REDIC1: variants seen among roughly 807,000 people sequenced by gnomAD.
REDIC1 encodes regulator of DNA class I crossover intermediates 1, also known as HEI10 Interacting Protein 1.
the REDIC1 span, among the ~76,000 whole-genome samples, chr12:39,889,777 G>GT: frequency 6.6e-6 from 1 of 151,906 alleles, no homozygotes; most frequent in African/African-American, 2.4e-5. Context: ...TGATCTGCCC[G>GT]CCTTGGCCTC....
chr12:39,653,492 G>GTCTTCTTCTTCTTCTTCTTCTTCT, the REDIC1 span, among the ~76,000 whole-genome samples: 53 of 54,342 alleles, frequency 9.8e-4, 2 homozygotes, highest in Middle Eastern at 0.011. Context: ...CAATCTGGAT[G>GTCTTCTTCTTCTTCTTCTTCTTCT]TCTTCTTCTT....
the REDIC1 span, among the ~76,000 whole-genome samples, chr12:39,825,316 G>GA: frequency 5.3e-5 from 8 of 151,888 alleles, no homozygotes; most frequent in Non-Finnish European, 1.2e-4. Flanking sequence ...GATAAATACA[G>GA]AAAAAAAATT....
chr12:39,626,668 A>G, the REDIC1 span, among the ~76,000 whole-genome samples: 3 of 152,134 alleles, frequency 2.0e-5, no homozygotes, highest in East Asian at 5.8e-4. Context: ...GAGGCCTTTT[A>G]GCACCTGAGC....
At chr12:39,704,963 C>A in the REDIC1 span, among the ~76,000 whole-genome samples, 196 of 151,754 alleles carry the variant, frequency 1.3e-3, no homozygotes, top group African/African-American at 4.5e-3. Context: ...GGGAGATATA[C>A]CTAATGCTAG....
chr12:39,861,383 A>G, the REDIC1 span, among the ~76,000 whole-genome samples: 2 of 152,244 alleles, frequency 1.3e-5, no homozygotes, highest in African/African-American at 4.8e-5. Flanking sequence ...TAATAAGTGA[A>G]TAAGATAAAA....
the REDIC1 span, among the ~76,000 whole-genome samples, chr12:39,713,183 C>G: frequency 6.8e-6 from 1 of 147,696 alleles, no homozygotes; most frequent in African/African-American, 2.5e-5. Context: ...GTGCATATAC[C>G]CATGTGTATA....
the REDIC1 span, among the ~76,000 whole-genome samples, chr12:39,727,512 A>C: frequency 3.9e-5 from 6 of 152,098 alleles, no homozygotes; most frequent in African/African-American, 1.4e-4. Context: ...TGGTCTATAT[A>C]TCTGTTTTGC....
the REDIC1 span, among the ~76,000 whole-genome samples, chr12:39,645,247 A>G: frequency 6.6e-6 from 1 of 151,868 alleles, no homozygotes; most frequent in Non-Finnish European, 1.5e-5. Context: ...CTTTCTTTTC[A>G]TTTATTTCTT....
chr12:39,694,621 T>C, the REDIC1 span, among the ~76,000 whole-genome samples: 1 of 152,200 alleles, frequency 6.6e-6, no homozygotes, highest in Non-Finnish European at 1.5e-5. Flanking sequence ...CCTCCTATTA[T>C]GGGCTAAAGT....
At chr12:39,627,512 G>A in the REDIC1 span, among the ~76,000 whole-genome samples, 2 of 152,040 alleles carry the variant, frequency 1.3e-5, no homozygotes, top group African/African-American at 4.8e-5. Flanking sequence ...GCTATTTTGG[G>A]AGTAATATTT....
At chr12:39,755,697 GAACTT>G in the REDIC1 span, 2 of 151,942 alleles carry the variant, frequency 1.3e-5, no homozygotes, top group Admixed American at 6.6e-5. Context: ...TCAAACACAT[GAACTT>G]AACTGTCTAA....
At chr12:39,655,262 C>T in the REDIC1 span, among the ~76,000 whole-genome samples, 1 of 151,888 alleles carries the variant, frequency 6.6e-6, no homozygotes, top group Non-Finnish European at 1.5e-5. Flanking sequence ...TTTCTGCTTG[C>T]CTTGGATTTA....
At chr12:39,797,335 G>T in the REDIC1 span, among the ~76,000 whole-genome samples, 1 of 152,024 alleles carries the variant, frequency 6.6e-6, no homozygotes, top group Non-Finnish European at 1.5e-5. Context: ...AACTTATTTT[G>T]GATTTCTGAC....
the REDIC1 span, chr12:39,788,496 A>C: frequency 2.6e-5 from 4 of 152,322 alleles, no homozygotes; most frequent in East Asian, 7.7e-4. Context: ...AGATGATTTC[A>C]TCACACTACT....
At chr12:39,803,804 T>C in the REDIC1 span, among the ~76,000 whole-genome samples, 2 of 152,230 alleles carry the variant, frequency 1.3e-5, no homozygotes, top group African/African-American at 4.8e-5. Flanking sequence ...AGAGATAATA[T>C]GGTAAGTAAT....
chr12:39,643,737 C>T, the REDIC1 span: 2 of 1,346,572 alleles, frequency 1.5e-6, no homozygotes, highest in African/African-American at 1.5e-5. Context: ...CTGTCTAAAA[C>T]CGCATATTTG....
the REDIC1 span, among the ~76,000 whole-genome samples, chr12:39,889,455 T>G: frequency 6.6e-6 from 1 of 151,954 alleles, no homozygotes; most frequent in Non-Finnish European, 1.5e-5. Context: ...TATATGAATA[T>G]TTGCAAGGTA....
At chr12:39,724,196 C>T in the REDIC1 span, among the ~76,000 whole-genome samples, 3 of 152,062 alleles carry the variant, frequency 2.0e-5, no homozygotes, top group South Asian at 4.1e-4. Context: ...GCCTCTTGGG[C>T]GGGATAAGTC....
the REDIC1 span, among the ~76,000 whole-genome samples, chr12:39,658,581 G>T: frequency 2.0e-5 from 3 of 152,096 alleles, no homozygotes; most frequent in Admixed American, 6.5e-5. Flanking sequence ...CTAAGAATAT[G>T]GTTTACATTT....
Sources: allele counts gnomAD v4.1 joint callset (sites outside exome capture counted in the v4.1 genomes callset), GRCh38; gene constraint gnomAD v4.1.1; transcripts MANE v1.5; gene names NCBI Gene and HGNC (gene_info 2026-07-23, HGNC 2026-07-21).